Variants in RASEF observed in about 807,000 individuals in gnomAD.
RASEF encodes the protein RAS and EF-hand domain containing, also known as ras and EF-hand domain-containing protein.
In RASEF, 68 loss-of-function variants were observed where a neutral mutation model predicts 90.1. The ratio of observed to expected loss-of-function variants is 0.75; its 90% confidence interval spans 0.62 to 0.92. The LOEUF (loss-of-function observed/expected upper bound fraction) is 0.92, where lower values mean the gene tolerates loss of function less well. RASEF is among the 40% of genes least tolerant of loss of function. The probability of loss-of-function intolerance (pLI) is 0.00; values close to 1 mark genes in which losing one functional copy is unlikely to be tolerated. For synonymous variants in RASEF, 331 were observed against 345.2 expected, an observed-to-expected ratio of 0.96 and a Z score of 0.46; for missense variants, 949 against 937.2, an observed-to-expected ratio of 1.01 and a Z score of -0.16.
chr9:83,087,366 A>G, the RASEF span, among the ~76,000 whole-genome samples: 1 of 150,502 alleles, frequency 6.6e-6, no homozygotes, highest in Non-Finnish European at 1.5e-5. Context: ...TTATCAGAAG[A>G]GACACCAGAG....
At chr9:83,074,858 C>T in the RASEF span, among the ~76,000 whole-genome samples, 2 of 152,172 alleles carry the variant, frequency 1.3e-5, no homozygotes, top group African/African-American at 4.8e-5. Context: ...ATTTTCAAAC[C>T]AGTCTTTTAC....
chr9:83,112,613 G>C, the RASEF span, among the ~76,000 whole-genome samples: 10 of 152,134 alleles, frequency 6.6e-5, no homozygotes, highest in African/African-American at 1.9e-4. Flanking sequence ...CTTGAACCCA[G>C]GAGGTGGAGG....
At chr9:83,013,041 GAC>G (rs1829276651) in intron 4 of RASEF, among the ~76,000 whole-genome samples, 1 of 152,190 alleles carries the variant, frequency 6.6e-6, no homozygotes, top group Non-Finnish European at 1.5e-5. Flanking sequence ...GGAAGCTAGA[GAC>G]ACAAACACAC....
At chr9:82,986,170 G>GTGGTGAAGAGTCCT (rs1248433629) in intron 16 of RASEF, among the ~76,000 whole-genome samples, 1 of 152,192 alleles carries the variant, frequency 6.6e-6, no homozygotes, top group Non-Finnish European at 1.5e-5. Context: ...ATCCAGGTTG[G>GTGGTGAAGAGTCCT]TGGTGAAGAG....
chr9:83,062,037 A>C (rs996057955), intron 1 of RASEF, among the ~76,000 whole-genome samples: 1 of 152,222 alleles, frequency 6.6e-6, no homozygotes, highest in Non-Finnish European at 1.5e-5. Context: ...AGAGGACGCC[A>C]AATTGGCAAA....
At chr9:83,190,504 G>A in the RASEF span, among the ~76,000 whole-genome samples, 1 of 149,202 alleles carries the variant, frequency 6.7e-6, no homozygotes, top group African/African-American at 2.5e-5. Context: ...GAGGATTCAG[G>A]TTTACACCTT....
intron 1 of RASEF, among the ~76,000 whole-genome samples, chr9:83,026,804 T>C (rs987355102): frequency 2.0e-5 from 3 of 152,176 alleles, no homozygotes; most frequent in East Asian, 3.9e-4. Flanking sequence ...TGTGGATTTT[T>C]TCCTCATACC....
At chr9:83,004,274 A>C (rs771036634) in intron 9 of RASEF, among the ~76,000 whole-genome samples, 2 of 152,214 alleles carry the variant, frequency 1.3e-5, no homozygotes, top group Non-Finnish European at 2.9e-5. Context: ...GGTAATGATG[A>C]GCATATATAA....
intron 9 of RASEF, among the ~76,000 whole-genome samples, chr9:83,002,929 C>T (rs1225105418): frequency 6.6e-6 from 1 of 152,128 alleles, no homozygotes; most frequent in Non-Finnish European, 1.5e-5. Context: ...ACAGGTCAAA[C>T]TTTCTCAAAC....
Position 83,062,471 on chromosome 9 carries a change from C to T in RASEF, c.397G>A (p.Ala133Thr). ...AACTTGGCTTCGTCCCCAAGTCGCGCCTGGAAATCCTGCCAAGCCCGGCCG... is the reference window on the plus strand; with the variant it reads ...AACTTGGCTTCGTCCCCAAGTCGCGTCTGGAAATCCTGCCAAGCCCGGCCG... Reference protein sequence around the residue: ...SPGRAWQDFQARLGDEAKFIP... With the variant: ...SPGRAWQDFQTRLGDEAKFIP... The change falls in exon 1 of 17, where the codon GCG (alanine) becomes ACG (threonine). Residue 133 changes from alanine (A) to threonine (T), a missense_variant. By Grantham distance (58) the Ala-to-Thr change is moderately conservative. This residue lies in a region of RASEF where 656 missense variants were observed against 592.2 expected (regional missense o/e 1.11). Transcript: ENST00000376447. 1 of 1,612,872 alleles carries T rather than the reference C, an allele frequency of 6.2e-7. No homozygotes were observed. Among genetic ancestry groups the T allele is most frequent in the Non-Finnish European group, 8.5e-7 (1 of 1,179,702 alleles).
intron 1 of RASEF, among the ~76,000 whole-genome samples, chr9:83,057,855 AT>A (rs1830128937): frequency 1.5e-5 from 2 of 137,330 alleles, no homozygotes; most frequent in African/African-American, 6.3e-5. Flanking sequence ...ACATATATAT[AT>A]ATATATATAT....
At chr9:83,007,530 A>G (rs370254748) in intron 6 of RASEF, 25 bp from the exon 7 acceptor site, 250 of 1,560,742 alleles carry the variant, frequency 1.6e-4, no homozygotes, top group Non-Finnish European at 1.9e-4. Context: ...TTTATGTTTG[A>G]GTGAGAATTA....
At chr9:83,160,191 T>A in the RASEF span, among the ~76,000 whole-genome samples, 1 of 152,072 alleles carries the variant, frequency 6.6e-6, no homozygotes, top group Non-Finnish European at 1.5e-5. Context: ...TGGAACTGGG[T>A]AAGAGGCTGA....
At chr9:83,105,714 G>A in the RASEF span, among the ~76,000 whole-genome samples, 17 of 152,324 alleles carry the variant, frequency 1.1e-4, no homozygotes, top group Admixed American at 3.3e-4. Context: ...TAAACGCTAC[G>A]AAAATGTGTG....
chr9:83,044,673 G>C (rs192906196), intron 1 of RASEF, among the ~76,000 whole-genome samples: 1 of 152,104 alleles, frequency 6.6e-6, no homozygotes, highest in African/African-American at 2.4e-5. Flanking sequence ...ATTCAAAAAC[G>C]CTCTGTGATC....
chr9:83,073,993 T>A, the RASEF span, among the ~76,000 whole-genome samples: 1 of 152,216 alleles, frequency 6.6e-6, no homozygotes, highest in Non-Finnish European at 1.5e-5. Flanking sequence ...TGAAAAATAA[T>A]GTATACCTCA....
rs1243299019 is a variant in RASEF at position 83,025,786 on chromosome 9, A to T, written c.567T>A (p.Ile189=). ...LQSTEMENLA[I]AVKRAQDKAA... ...AAGGACTTCAATACCTCTTCACCGC[A>T]ATGGCCAAATTTTCCATTTCTGTGC... is the stretch of plus-strand genomic sequence containing the variant. Residue 189 remains isoleucine, a synonymous_variant, in exon 2 of 17, where the codon ATT becomes ATA. Coordinates refer to ENST00000376447, the MANE Select transcript of RASEF (RefSeq NM_152573.4). The T allele has an allele frequency of 1.2e-6, 2 of 1,613,646 alleles. No homozygotes were observed. The highest frequency in any genetic ancestry group is 2.7e-5 in the African/African-American group (2 of 74,876).
chr9:83,184,114 G>A, the RASEF span, among the ~76,000 whole-genome samples: 2 of 152,188 alleles, frequency 1.3e-5, no homozygotes, highest in African/African-American at 4.8e-5. Context: ...GATGAGTAAA[G>A]CTTGGCCACA....
chr9:83,072,896 C>G, the RASEF span, among the ~76,000 whole-genome samples: 1 of 152,180 alleles, frequency 6.6e-6, no homozygotes, highest in Non-Finnish European at 1.5e-5. Flanking sequence ...CAAGTTGGCA[C>G]TCAACCATCA....
Sources: gnomAD v4.1 joint callset for allele counts (sites outside exome capture counted in the v4.1 genomes callset) on GRCh38, gnomAD v4.1.1 for gene constraint, gnomAD v4.1.1 regional missense constraint, MANE v1.5 for transcripts, NCBI Gene and HGNC (gene_info 2026-07-23, HGNC 2026-07-21) for gene names.